USP15: variants seen among roughly 807,000 people sequenced by gnomAD.
USP15 encodes ubiquitin carboxyl-terminal hydrolase 15.
Under a neutral mutation model 127.1 loss-of-function variants are expected in USP15, and 18 were observed. The observed-to-expected ratio is 0.14, with a 90% confidence interval of 0.10 to 0.21. The LOEUF is 0.21. USP15 is among the 10% of genes least tolerant of loss of function. USP15 has a pLI of 1.00. For missense variants in USP15, 805 were observed against 1,159.9 expected (o/e 0.69, Z 4.44); for synonymous variants, 364 against 393.7 (o/e 0.92, Z 0.89).
rs566592946 is a variant in USP15, at chr12:62,282,108, C to T, written c.90-12071C>T. On this transcript the variant is annotated intron_variant, in intron 1 of 21. Coordinates refer to ENST00000280377, the MANE Select transcript of USP15 (RefSeq NM_001252078.2). The stretch of plus-strand genomic sequence containing the variant: ...TTTCGGAGGCCAAAGTGGGAGGGCA[C>T]CTTGAGCCCAGGAGCTTGAAACCAT... Among the ~76,000 whole-genome samples the T allele has an allele frequency of 3.3e-5, 5 of 152,146 alleles. No individual in the cohort carries two copies. In the East Asian group the frequency reaches 7.7e-4, roughly 24 times the overall value.
intron 6 of USP15, among the ~76,000 whole-genome samples, chr12:62,343,457 T>TAA: frequency 6.6e-6 from 1 of 152,250 alleles, no homozygotes; most frequent in African/African-American, 2.4e-5. Context: ...CCACTGTAGT[T>TAA]ACGAGAAAAA....
At chr12:62,289,215 CTTGTTGTTGTTGTTG>C (rs143937716) in intron 1 of USP15, among the ~76,000 whole-genome samples, 1 of 150,540 alleles carries the variant, frequency 6.6e-6, no homozygotes, top group Non-Finnish European at 1.5e-5. Flanking sequence ...CTCTCCTGAG[CTTGTTGTTGTTGTTG>C]TTGTTGTTGT....
At chr12:62,325,252 C>T (rs1303044120) in intron 5 of USP15, among the ~76,000 whole-genome samples, 1 of 151,884 alleles carries the variant, frequency 6.6e-6, no homozygotes, top group Non-Finnish European at 1.5e-5. Context: ...TTCTGTCTGC[C>T]TCATCCATGC....
At chr12:62,395,971 G>C (rs11174460) in intron 19 of USP15, among the ~76,000 whole-genome samples, 151,883 of 152,126 alleles carry the variant, frequency 1, 75,820 homozygotes, top group Middle Eastern at 1. Context: ...GTTTCCAAAT[G>C]TTAGCTGTTG....
chr12:62,289,846 A>G (rs2063906925), intron 1 of USP15, among the ~76,000 whole-genome samples: 2 of 151,884 alleles, frequency 1.3e-5, no homozygotes, highest in African/African-American at 2.4e-5. Context: ...TAAAATTTTC[A>G]TCTTAATTTT....
chr12:62,355,608 A>T (rs144159069), intron 8 of USP15, 133 bp downstream of exon 8: 28 of 1,005,242 alleles, frequency 2.8e-5, no homozygotes, highest in Non-Finnish European at 3.5e-5. Flanking sequence ...ATTTAAGCAT[A>T]CATATTTGAC....
intron 4 of USP15, among the ~76,000 whole-genome samples, chr12:62,319,373 T>C (rs76722890): frequency 0.012 from 1,887 of 152,264 alleles, 19 homozygotes; most frequent in Middle Eastern, 0.02. Flanking sequence ...AGCCAAACCT[T>C]ATCAGACCTT....
intron 8 of USP15, among the ~76,000 whole-genome samples, chr12:62,376,610 A>T (rs1000711875): frequency 6.6e-6 from 1 of 152,210 alleles, no homozygotes; most frequent in Non-Finnish European, 1.5e-5. Context: ...CACAAAACTT[A>T]TAAGTAGCCA....
chr12:62,375,471 C>T (rs2066797743), intron 8 of USP15, among the ~76,000 whole-genome samples: 2 of 151,886 alleles, frequency 1.3e-5, no homozygotes, highest in African/African-American at 4.8e-5. Context: ...TGAGTGTGCC[C>T]GATATTGTGA....
intron 3 of USP15, among the ~76,000 whole-genome samples, chr12:62,311,154 A>G (rs1444883623): frequency 6.6e-6 from 1 of 151,834 alleles, no homozygotes; most frequent in Non-Finnish European, 1.5e-5. Context: ...AATATTTTCT[A>G]CACTTCAACA....
At chr12:62,379,922 G>A (rs901209499) in intron 8 of USP15, among the ~76,000 whole-genome samples, 6 of 152,140 alleles carry the variant, frequency 3.9e-5, no homozygotes, top group Non-Finnish European at 7.4e-5. Flanking sequence ...CTCAAAAGGA[G>A]TATAAGATTA....
intron 6 of USP15, among the ~76,000 whole-genome samples, chr12:62,348,742 G>A (rs2065889401): frequency 6.6e-6 from 1 of 152,080 alleles, no homozygotes; most frequent in Admixed American, 6.6e-5. Context: ...AGCATATTGG[G>A]ATTATGCTTG....
chr12:62,357,502 T>C (rs1177465353), intron 8 of USP15, among the ~76,000 whole-genome samples: 1 of 152,112 alleles, frequency 6.6e-6, no homozygotes, highest in Non-Finnish European at 1.5e-5. Context: ...ACGTATTCCA[T>C]TTCATCTGAG....
At chr12:62,293,994 A>G (rs1363576157) in intron 1 of USP15, among the ~76,000 whole-genome samples, 185 bp from the exon 2 acceptor site, 1 of 152,208 alleles carries the variant, frequency 6.6e-6, no homozygotes, top group African/African-American at 2.4e-5. Context: ...TTATAGAACA[A>G]TAGGAATAAT....
At chr12:62,360,495 A>C (rs1030393870) in intron 8 of USP15, among the ~76,000 whole-genome samples, 4 of 152,076 alleles carry the variant, frequency 2.6e-5, no homozygotes, top group Admixed American at 6.6e-5. Context: ...TTACATTGTA[A>C]AACAGAGAAA....
At chr12:62,290,573 T>C (rs1370105140) in intron 1 of USP15, among the ~76,000 whole-genome samples, 1 of 152,216 alleles carries the variant, frequency 6.6e-6, no homozygotes, top group African/African-American at 2.4e-5. Flanking sequence ...TGCCAATCTT[T>C]ATCTTTTAAG....
In USP15 at chr12:62,408,842, A is replaced by G. The variant is rs1189401789; in HGVS notation, c.*4467A>G. ...CATTTTAGGTTTGGAGGCCATTTCA[A>G]TTCAATATGTATGTGTTTTACGTGT... On this transcript the variant is annotated 3_prime_UTR_variant, in exon 22 of 22. Coordinates refer to ENST00000280377, the MANE Select transcript of USP15 (RefSeq NM_001252078.2). The G allele has an allele frequency of 6.6e-6, 1 of 152,026 alleles. No homozygotes were observed. Among genetic ancestry groups the G allele is most frequent in the Non-Finnish European group, 1.5e-5 (1 of 67,980 alleles). 9.4% of individuals were successfully genotyped at this position (152,026 alleles called of 1,614,324 possible). A position where few individuals can be genotyped will look rare whatever the true frequency, so the allele number is the denominator to read the frequency against.
intron 7 of USP15, 73 bp downstream of exon 7, chr12:62,349,380 T>A: frequency 1.0e-6 from 1 of 1,002,838 alleles, no homozygotes. Context: ...CTCTTGTATC[T>A]AAAATTTAGG....
chr12:62,339,744 C>A (rs1450906353), intron 6 of USP15, among the ~76,000 whole-genome samples: 1 of 152,132 alleles, frequency 6.6e-6, no homozygotes. Context: ...CTCACTTGAT[C>A]ATGGTGGATA....
Sources: allele counts gnomAD v4.1 joint callset (sites outside exome capture counted in the v4.1 genomes callset), GRCh38; gene constraint gnomAD v4.1.1; transcripts MANE v1.5; gene names NCBI Gene and HGNC (gene_info 2026-07-23, HGNC 2026-07-21).